PRELID2: variants seen among roughly 807,000 people sequenced by gnomAD.
PRELID2 encodes the protein PRELI domain-containing protein 2.
Under a neutral mutation model 28.4 loss-of-function variants are expected in PRELID2, and 25 were observed. The ratio of observed to expected loss-of-function variants is 0.88; its 90% CI spans 0.64 to 1.23. The LOEUF (loss-of-function observed/expected upper bound fraction) is 1.23. Ranked by LOEUF, PRELID2 falls within the 50% of genes most tolerant of loss-of-function variation. The pLI is 0.00. For synonymous variants in PRELID2, 76 were observed against 71.6 expected, an observed-to-expected ratio of 1.06 and a Z score of -0.31; for missense variants, 201 against 214.4, an observed-to-expected ratio of 0.94 and a Z score of 0.39.
chr5:145,487,155 T>C (rs1474642666), intron 1 of PRELID2, among the ~76,000 whole-genome samples: 1 of 146,614 alleles, frequency 6.8e-6, no homozygotes, highest in African/African-American at 2.5e-5. Flanking sequence ...GATGAGTTAG[T>C]GGGTGCAGCG....
the PRELID2 span, among the ~76,000 whole-genome samples, chr5:145,373,914 TATG>T: frequency 8.1e-5 from 11 of 135,568 alleles, no homozygotes; most frequent in East Asian, 2.2e-4. Flanking sequence ...ATATAATATA[TATG>T]ATATTATATA....
intron 1 of PRELID2, among the ~76,000 whole-genome samples, chr5:145,830,169 G>T (rs2149889489): frequency 6.6e-6 from 1 of 152,244 alleles, no homozygotes; most frequent in Admixed American, 6.5e-5. Context: ...TATGTTCCAG[G>T]ATCTCTTTGG....
the PRELID2 span, among the ~76,000 whole-genome samples, chr5:145,459,787 GA>G: frequency 6.6e-6 from 1 of 150,878 alleles, no homozygotes; most frequent in Non-Finnish European, 1.5e-5. Flanking sequence ...AGAATTTATA[GA>G]AAACATTTGA....
chr5:145,591,855 A>T (rs369497488), intron 1 of PRELID2, among the ~76,000 whole-genome samples: 3 of 152,302 alleles, frequency 2.0e-5, no homozygotes, highest in South Asian at 4.1e-4. Context: ...TGAAATAAAA[A>T]TGAAACTTCC....
At chr5:145,797,508 G>A (rs895226980) in intron 4 of PRELID2, among the ~76,000 whole-genome samples, 1 of 152,116 alleles carries the variant, frequency 6.6e-6, no homozygotes, top group Non-Finnish European at 1.5e-5. Flanking sequence ...GAGTGCTAAA[G>A]GAAATGGCAA....
At chr5:145,833,865 A>C (rs1755764612) in intron 1 of PRELID2, among the ~76,000 whole-genome samples, 1 of 152,266 alleles carries the variant, frequency 6.6e-6, no homozygotes, top group Admixed American at 6.5e-5. Context: ...GGGGACCTTC[A>C]AAGATCATCT....
chr5:145,470,785 A>T (rs143169094), downstream of PRELID2, among the ~76,000 whole-genome samples: 1 of 152,148 alleles, frequency 6.6e-6, no homozygotes, highest in East Asian at 1.9e-4. Flanking sequence ...GTTTTGAGTG[A>T]CTAATAGACC....
Position 145,758,372 on chromosome 5 carries a change from C to A in PRELID2, c.*2164G>T, listed in dbSNP as rs1456254049. ...TATTAAGAAAAAAATTAAATATTGT[C>A]TGCAAATACCTAAAAGTCACTGTAG... is the stretch of plus-strand genomic sequence containing the variant. On this transcript the variant is annotated 3_prime_UTR_variant, in exon 7 of 7. Coordinates refer to ENST00000683046, the MANE Select transcript of PRELID2 (RefSeq NM_205846.3). Among the ~76,000 whole-genome samples the A allele has an allele frequency of 6.6e-6, 1 of 152,084 alleles. No individual in the cohort carries two copies. The highest frequency in any genetic ancestry group is 1.5e-5 in the Non-Finnish European group (1 of 68,034).
At chr5:145,318,839 G>A in the PRELID2 span, among the ~76,000 whole-genome samples, 1 of 152,168 alleles carries the variant, frequency 6.6e-6, no homozygotes, top group East Asian at 1.9e-4. Flanking sequence ...TGGCATCCAG[G>A]GAAAATCAGG....
the PRELID2 span, among the ~76,000 whole-genome samples, chr5:145,421,084 C>G: frequency 6.6e-6 from 1 of 151,346 alleles, no homozygotes; most frequent in Middle Eastern, 3.4e-3. Flanking sequence ...GGATGAAGCC[C>G]ACTTGATCAT....
intron 1 of PRELID2, among the ~76,000 whole-genome samples, chr5:145,485,189 A>T (rs1345423658): frequency 1.3e-5 from 2 of 152,240 alleles, no homozygotes. Context: ...GAATTCAAGA[A>T]AGAATTCTGG....
At chr5:145,824,096 C>A (rs901529182) in intron 1 of PRELID2, among the ~76,000 whole-genome samples, 1 of 152,132 alleles carries the variant, frequency 6.6e-6, no homozygotes, top group African/African-American at 2.4e-5. Flanking sequence ...ATCCTTTCCA[C>A]TACTCAGATG....
chr5:145,790,221 A>C (rs1326683950), intron 5 of PRELID2, among the ~76,000 whole-genome samples: 1 of 152,206 alleles, frequency 6.6e-6, no homozygotes, highest in Non-Finnish European at 1.5e-5. Context: ...CATTATTCAC[A>C]GTAGCCAAGA....
the PRELID2 span, among the ~76,000 whole-genome samples, chr5:145,400,274 TC>T: frequency 3.9e-5 from 6 of 152,068 alleles, no homozygotes; most frequent in Non-Finnish European, 8.8e-5. Context: ...AAAATTTTTC[TC>T]CCATCCAGAC....
At chr5:145,632,701 G>A (rs1399235618) in intron 1 of PRELID2, among the ~76,000 whole-genome samples, 5 of 152,256 alleles carry the variant, frequency 3.3e-5, no homozygotes, top group Middle Eastern at 3.4e-3. Flanking sequence ...CCTGGTGTAC[G>A]CATCCTCTAT....
the PRELID2 span, among the ~76,000 whole-genome samples, chr5:145,417,356 C>T: frequency 1.1e-4 from 17 of 152,108 alleles, no homozygotes; most frequent in African/African-American, 3.9e-4. Flanking sequence ...TGAAATGATT[C>T]CAAACAACTG....
At chr5:145,336,725 A>G in the PRELID2 span, among the ~76,000 whole-genome samples, 1 of 152,130 alleles carries the variant, frequency 6.6e-6, no homozygotes, top group Non-Finnish European at 1.5e-5. Flanking sequence ...ATGTCCAACA[A>G]TGATAGACTG....
chr5:145,237,195 A>G, the PRELID2 span, among the ~76,000 whole-genome samples: 1 of 152,140 alleles, frequency 6.6e-6, no homozygotes, highest in African/African-American at 2.4e-5. Flanking sequence ...ACAGCAGTTG[A>G]CTCACAGTCC....
At chr5:145,292,708 C>T in the PRELID2 span, among the ~76,000 whole-genome samples, 12 of 151,932 alleles carry the variant, frequency 7.9e-5, no homozygotes, top group African/African-American at 1.4e-4. Flanking sequence ...ATTTCCCACA[C>T]TTTTACTTTA....
Sources: gnomAD v4.1 joint callset for allele counts (sites outside exome capture counted in the v4.1 genomes callset) on GRCh38, gnomAD v4.1.1 for gene constraint, MANE v1.5 for transcripts, NCBI Gene and HGNC (gene_info 2026-07-23, HGNC 2026-07-21) for gene names.